Variants in GDAP1 observed in about 807,000 individuals in gnomAD.
GDAP1 encodes the protein ganglioside-induced differentiation-associated protein 1.
Under a neutral mutation model 40.1 loss-of-function variants are expected in GDAP1, and 34 were observed. The ratio of observed to expected loss-of-function variants is 0.85; its 90% CI spans 0.64 to 1.13. The LOEUF is 1.13. Among genes scored for constraint, GDAP1 ranks in the 50% most tolerant of loss-of-function variants. GDAP1 has a pLI of 0.00. For synonymous variants in GDAP1, 170 were observed against 157.4 expected, an observed-to-expected ratio of 1.08 and a Z score of -0.60; for missense variants, 374 against 433.7, an observed-to-expected ratio of 0.86 and a Z score of 1.22.
chr8:74,404,859 C>T lies in GDAP1; in HGVS notation c.165+53538C>T, dbSNP rs542368460. ...ATTGTTTCCAAGACCCTCCCTCAAC[C>T]GCTGATACCATAATTCAAAGATGCT... On this transcript the variant is annotated intron_variant, in intron 2 of 2. Transcript: ENST00000523640. Among the ~76,000 whole-genome samples the T allele has an allele frequency of 7.3e-5, 11 of 149,970 alleles. 1 individual carries two copies. Among genetic ancestry groups the T allele is most frequent in the African/African-American group, 1.3e-4 (5 of 39,328 alleles).
At chr8:74,418,772 C>A (rs1177578077) in intron 2 of GDAP1, among the ~76,000 whole-genome samples, 1 of 151,970 alleles carries the variant, frequency 6.6e-6, no homozygotes, top group East Asian at 1.9e-4. Context: ...AAAATATTGG[C>A]AAATCTCATA....
chr8:74,438,365 A>T (rs1258182702), intron 2 of GDAP1, among the ~76,000 whole-genome samples: 1 of 152,114 alleles, frequency 6.6e-6, no homozygotes, highest in African/African-American at 2.4e-5. Context: ...GTACCAAATT[A>T]TGCTTCCATT....
chr8:74,366,676 TG>T lies in GDAP1; in HGVS notation c.*2310del, dbSNP rs1486411630. On this transcript the variant is annotated 3_prime_UTR_variant, in exon 6 of 6. Coordinates refer to ENST00000220822, the MANE Select transcript of GDAP1 (RefSeq NM_018972.4). ...GTGTCTTAACACACATAAATACTAT[TG>T]TTATTGCAGCAGATGCCTTTTGAAT... The T allele has an allele frequency of 4.4e-6, 2 of 453,254 alleles. No homozygotes were observed. The highest frequency in any genetic ancestry group is 4.0e-5 in the African/African-American group (2 of 50,090). The allele number at this position is 453,254 out of a possible 1,614,324, so 28.1% of individuals were successfully genotyped here. A position where few individuals can be genotyped will look rare whatever the true frequency, so the allele number is the denominator to read the frequency against.
intron 4 of GDAP1, 53 bp downstream of exon 4, chr8:74,362,031 T>A (rs1809394038): frequency 1.1e-6 from 1 of 929,358 alleles, no homozygotes; most frequent in Admixed American, 1.7e-5. Flanking sequence ...GTAAATGTTC[T>A]ACTTTTTGTA....
At chr8:74,402,638 T>C (rs1810367778) in intron 2 of GDAP1, among the ~76,000 whole-genome samples, 1 of 150,356 alleles carries the variant, frequency 6.7e-6, no homozygotes, top group Non-Finnish European at 1.5e-5. Context: ...ATCACCCGTC[T>C]TCTGTGTCGC....
In GDAP1 at chr8:74,364,281, G is replaced by T; in HGVS notation, c.991G>T (p.Gly331Ter). The change falls in exon 6 of 6, where the codon GGA (glycine) becomes TGA (stop). Residue 331 changes from glycine to a stop codon, truncating the protein, a stop_gained. Transcript: ENST00000220822. LOFTEE classifies it high-confidence loss of function. ...GACCCTTGTGGTTGGTTTGCTTGCA[G>T]GAGTGGGATATTTTGCTTTTATGCT... ...GTTLVVGLLAGVGYFAFMLFR... is the reference protein window; with the variant it reads ...GTTLVVGLLA 1 of 1,614,198 alleles carries T rather than the reference G, an allele frequency of 6.2e-7. No individual in the cohort carries two copies. The highest frequency in any genetic ancestry group is 8.5e-7 in the Non-Finnish European group (1 of 1,180,010).
At chr8:74,441,993 T>C (rs1225203711) in intron 2 of GDAP1, among the ~76,000 whole-genome samples, 2 of 152,208 alleles carry the variant, frequency 1.3e-5, no homozygotes, top group Non-Finnish European at 2.9e-5. Context: ...TATTAAATTT[T>C]CTTAGTCTAT....
At chr8:74,440,952 A>C (rs561564880) in intron 2 of GDAP1, among the ~76,000 whole-genome samples, 19 of 152,236 alleles carry the variant, frequency 1.2e-4, no homozygotes, top group African/African-American at 4.6e-4. Context: ...CCTTCTAATG[A>C]AATAGTAGGT....
intron 2 of GDAP1, among the ~76,000 whole-genome samples, chr8:74,480,458 A>G (rs1000414445): frequency 4.6e-5 from 7 of 152,216 alleles, no homozygotes; most frequent in African/African-American, 1.7e-4. Context: ...GAACTAGAAT[A>G]TTGGTTGCAC....
At chr8:74,428,340 AAC>A (rs1376829894) in intron 2 of GDAP1, among the ~76,000 whole-genome samples, 1 of 152,236 alleles carries the variant, frequency 6.6e-6, no homozygotes, top group Non-Finnish European at 1.5e-5. Flanking sequence ...GCCCTAAAAC[AAC>A]AGTGAAATAC....
In GDAP1 at chr8:74,362,984, C is replaced by A; in HGVS notation, c.625C>A (p.Leu209Ile). The A allele has an allele frequency of 6.3e-7, 1 of 1,594,700 alleles. No homozygotes were observed. The highest frequency in any genetic ancestry group is 8.6e-7 in the Non-Finnish European group (1 of 1,162,700). ...CAATGTCAAGTATTTGAAGAAAATT[C>A]TTGATGAGTTGGAGAAAGTCTTGGA... ...HDNVKYLKKILDELEKVLDQV... is the reference protein window; with the variant it reads ...HDNVKYLKKIIDELEKVLDQV... The change falls in exon 5 of 6, where the codon CTT becomes ATT. Residue 209 changes from leucine to isoleucine, a missense_variant. Coordinates refer to ENST00000220822, the MANE Select transcript of GDAP1 (RefSeq NM_018972.4).
At chr8:74,351,181 A>C in intron 1 of GDAP1, 93 bp from the exon 2 acceptor site, 1 of 976,808 alleles carries the variant, frequency 1.0e-6, no homozygotes, top group Admixed American at 1.7e-5. Context: ...TCGGTAACAC[A>C]GGGAAGCCCA....
rs568541889 is a variant in GDAP1 at position 74,387,937 on chromosome 8, C to T, written c.165+36616C>T. ...GGGTGTATGTGTCAAGGAATTTATCCATTTCTTCTATGTTTTTTAGTTTAT... is the reference window on the plus strand; with the variant it reads ...GGGTGTATGTGTCAAGGAATTTATCTATTTCTTCTATGTTTTTTAGTTTAT... On this transcript the variant is annotated intron_variant, in intron 2 of 2. Transcript: ENST00000523640. 2.6e-5 allele frequency among the ~76,000 whole-genome samples: 4 copies of T among 152,186 alleles called. No individual in the cohort carries two copies. The South Asian group carries it at 8.3e-4, about 32-fold the overall frequency.
chr8:74,428,416 G>T (rs537975291), intron 2 of GDAP1, among the ~76,000 whole-genome samples: 1 of 151,858 alleles, frequency 6.6e-6, no homozygotes, highest in East Asian at 1.9e-4. Flanking sequence ...AGGTGGAAAG[G>T]GTGTCCACAT....
rs1009688592 is a variant in GDAP1, at chr8:74,423,634, C to T, written c.166-65044C>T. On this transcript the variant is annotated intron_variant, in intron 2 of 2. Coordinates refer to the GDAP1 transcript ENST00000523640. Reference sequence around the variant, plus strand: ...TTATTGGTATTATCATGGATGCAAACGTGGGGTATCCTCAGTAAAACAGAT... The same window carrying T: ...TTATTGGTATTATCATGGATGCAAATGTGGGGTATCCTCAGTAAAACAGAT... Among the ~76,000 whole-genome samples the T allele has an allele frequency of 5.3e-5, 8 of 151,778 alleles. No homozygotes were observed. The East Asian group carries it at 1.4e-3, about 26-fold the overall frequency.
intron 2 of GDAP1, among the ~76,000 whole-genome samples, chr8:74,441,699 A>G (rs1806164441): frequency 6.6e-6 from 1 of 152,194 alleles, no homozygotes; most frequent in South Asian, 2.1e-4. Flanking sequence ...GTAATATTAC[A>G]GTTTTTAGTA....
At chr8:74,428,758 A>C (rs1341092206) in intron 2 of GDAP1, among the ~76,000 whole-genome samples, 1 of 148,550 alleles carries the variant, frequency 6.7e-6, no homozygotes, top group Non-Finnish European at 1.5e-5. Context: ...CTGAGATTAC[A>C]GACATGAGCC....
intron 2 of GDAP1, among the ~76,000 whole-genome samples, chr8:74,477,481 AT>A (rs1443977958): frequency 6.7e-6 from 1 of 149,868 alleles, no homozygotes; most frequent in African/African-American, 2.5e-5. Context: ...TTTTAATTCT[AT>A]TTGATGACCT....
intron 2 of GDAP1, among the ~76,000 whole-genome samples, chr8:74,456,157 G>T (rs1433020234): frequency 2.6e-5 from 4 of 151,702 alleles, no homozygotes; most frequent in Non-Finnish European, 5.9e-5. Flanking sequence ...TAGTACAATT[G>T]CAATTTTTAG....
Sources: gnomAD v4.1 joint callset for allele counts (sites outside exome capture counted in the v4.1 genomes callset) on GRCh38, gnomAD v4.1.1 for gene constraint, MANE v1.5 for transcripts, NCBI Gene and HGNC (gene_info 2026-07-23, HGNC 2026-07-21) for gene names.